ACOXL: variants seen among roughly 807,000 people sequenced by gnomAD.
ACOXL encodes acyl-coenzyme A oxidase-like protein.
ACOXL carries 70 observed loss-of-function variants against 71.9 expected under a neutral mutation model. The ratio of observed to expected loss-of-function variants is 0.97; its 90% CI spans 0.80 to 1.19. ACOXL has a LOEUF of 1.19. Ranked by LOEUF, ACOXL falls within the 50% of genes most tolerant of loss-of-function variation. The pLI is 0.00. For missense variants in ACOXL, 703 were observed against 736.3 expected (o/e 0.95, Z 0.52); for synonymous variants, 253 against 281.6 (o/e 0.90, Z 1.02).
chr2:110,744,728 G>C (rs1282656367), intron 1 of ACOXL, among the ~76,000 whole-genome samples: 1 of 152,206 alleles, frequency 6.6e-6, no homozygotes, highest in Non-Finnish European at 1.5e-5. Flanking sequence ...CCTGACTGTA[G>C]TCAATGAAAT....
At chr2:110,790,437 C>G (rs1438540825) in intron 3 of ACOXL, among the ~76,000 whole-genome samples, 3 of 152,186 alleles carry the variant, frequency 2.0e-5, no homozygotes, top group African/African-American at 7.2e-5. Flanking sequence ...TGCCGACCCT[C>G]ATTGGGCATG....
intron 10 of ACOXL, among the ~76,000 whole-genome samples, chr2:110,891,706 A>G (rs1697947215): frequency 6.6e-6 from 1 of 152,134 alleles, no homozygotes; most frequent in East Asian, 1.9e-4. Flanking sequence ...AATTAAATGG[A>G]AAGTGCTTTG....
intron 12 of ACOXL, among the ~76,000 whole-genome samples, chr2:110,940,672 T>G (rs1466132180): frequency 1.3e-5 from 2 of 152,196 alleles, no homozygotes; most frequent in Admixed American, 1.3e-4. Flanking sequence ...AACCTTTGGA[T>G]TCCAGGATTC....
chr2:110,927,815 A>G (rs1324594737), intron 11 of ACOXL, among the ~76,000 whole-genome samples: 1 of 152,168 alleles, frequency 6.6e-6, no homozygotes, highest in East Asian at 1.9e-4. Flanking sequence ...TGGCTGTGGG[A>G]TTGCTTGGAG....
intron 12 of ACOXL, among the ~76,000 whole-genome samples, chr2:110,936,914 C>G (rs1485427940): frequency 6.6e-6 from 1 of 150,748 alleles, no homozygotes; most frequent in African/African-American, 2.4e-5. Flanking sequence ...ATGGTGCAAT[C>G]TTGGCTCACC....
At chr2:111,038,723 A>C (rs972471245) in intron 15 of ACOXL, among the ~76,000 whole-genome samples, 1 of 152,242 alleles carries the variant, frequency 6.6e-6, no homozygotes, top group Non-Finnish European at 1.5e-5. Context: ...TCTAGATATA[A>C]TTTTGTATTT....
At chr2:110,734,659 C>A (rs904583544) in intron 1 of ACOXL, among the ~76,000 whole-genome samples, 2 of 152,098 alleles carry the variant, frequency 1.3e-5, no homozygotes, top group Non-Finnish European at 2.9e-5. Context: ...CTATATTCCT[C>A]AGTCTTTTCA....
Position 111,117,867 on chromosome 2 carries a change from C to A in ACOXL, c.*51C>A. 6.6e-7 allele frequency: 1 copy of A among 1,519,924 alleles called. No individual in the cohort carries two copies. Among genetic ancestry groups the A allele is most frequent in the South Asian group, 1.2e-5 (1 of 82,110 alleles). 94.2% of individuals were successfully genotyped at this position (1,519,924 alleles called of 1,614,324 possible). On this transcript the variant is annotated 3_prime_UTR_variant, in exon 18 of 18. Transcript: ENST00000439055. The stretch of plus-strand genomic sequence containing the variant: ...CCGCCAGCAGCTGCCACGACGCTCG[C>A]TCCACCGACGCCCAGAGCTGTGGCC...
At chr2:111,065,696 G>A (rs2067035481) in intron 16 of ACOXL, among the ~76,000 whole-genome samples, 1 of 152,122 alleles carries the variant, frequency 6.6e-6, no homozygotes, top group Admixed American at 6.5e-5. Context: ...TTAGGAAAAG[G>A]GCAAAAGATA....
At chr2:111,089,674 A>G (rs2068418507) in intron 16 of ACOXL, among the ~76,000 whole-genome samples, 1 of 152,238 alleles carries the variant, frequency 6.6e-6, no homozygotes, top group Admixed American at 6.5e-5. Flanking sequence ...ATGGGGGGAA[A>G]GGCTTAGTTA....
At chr2:110,824,695 C>A (rs1030265910) in intron 9 of ACOXL, among the ~76,000 whole-genome samples, 1 of 152,102 alleles carries the variant, frequency 6.6e-6, no homozygotes, top group Non-Finnish European at 1.5e-5. Context: ...CATTTCTCTG[C>A]TAAGATTCCC....
At chr2:110,837,958 C>T (rs933649657) in intron 9 of ACOXL, among the ~76,000 whole-genome samples, 1 of 152,178 alleles carries the variant, frequency 6.6e-6, no homozygotes, top group Admixed American at 6.5e-5. Flanking sequence ...ACCCACGGGC[C>T]TCCCTCCCCT....
chr2:110,915,336 T>TATA (rs1558721442), intron 11 of ACOXL, among the ~76,000 whole-genome samples: 4 of 130,822 alleles, frequency 3.1e-5, no homozygotes, highest in South Asian at 5.3e-4. Context: ...TATATGCATT[T>TATA]TATATATATA....
chr2:110,809,359 G>A (rs2105397712), intron 9 of ACOXL, among the ~76,000 whole-genome samples: 1 of 152,364 alleles, frequency 6.6e-6, no homozygotes, highest in South Asian at 2.1e-4. Context: ...CAGCAGCTGA[G>A]CTGCGGGGCT....
chr2:111,074,734 A>G (rs970703394), intron 16 of ACOXL, among the ~76,000 whole-genome samples: 2 of 152,156 alleles, frequency 1.3e-5, no homozygotes, highest in Admixed American at 6.5e-5. Flanking sequence ...ACCTGGGACT[A>G]TGGGTGTGTG....
At chr2:110,967,755 T>G in intron 12 of ACOXL, 1 of 572,122 alleles carries the variant, frequency 1.7e-6, no homozygotes, top group East Asian at 2.8e-5. Context: ...TCAGAAAGGA[T>G]ATGAAAGAAC....
chr2:111,079,590 G>A (rs919655460), intron 16 of ACOXL, among the ~76,000 whole-genome samples: 1 of 152,148 alleles, frequency 6.6e-6, no homozygotes, highest in Non-Finnish European at 1.5e-5. Context: ...TGCTTCCAGG[G>A]ACATGAGCAG....
At position 110,987,214 on chromosome 2, in the gene ACOXL, C is replaced by A; in HGVS notation, c.1166C>A (p.Thr389Asn). The change falls in exon 13 of 18, where the codon ACC (threonine) becomes AAC (asparagine). Residue 389 changes from threonine (T) to asparagine (N), a missense_variant. By Grantham distance (65) the Thr-to-Asn change is moderately conservative. Coordinates refer to ENST00000439055, the MANE Select transcript of ACOXL (RefSeq NM_001142807.4). ...GAATCTGTGGGGGACAAGCTGAGAA[C>A]CAGGTACGTATTACTCAGGCCATCA... ...WAESVGDKLR[T>N]SFLAFNMDTV... The A allele has an allele frequency of 1.3e-6, 2 of 1,568,548 alleles. No individual in the cohort carries two copies. Among genetic ancestry groups the A allele is most frequent in the Middle Eastern group, 1.7e-4 (1 of 6,008 alleles).
At position 111,064,203 on chromosome 2, in the gene ACOXL, A is replaced by G. The variant is rs189272639; in HGVS notation, c.1440+14915A>G. Among the ~76,000 whole-genome samples the G allele has an allele frequency of 5.2e-3, 787 of 152,244 alleles. 10 individuals carry two copies. Among genetic ancestry groups the G allele is most frequent in the African/African-American group, 0.017 (727 of 41,544 alleles). ...TGTAATCCCAGCACTTTGGGAGGCC[A>G]AGGTGGGTGGATCACGAGGTCAGGA... On this transcript the variant is annotated intron_variant, in intron 16 of 17. Coordinates refer to ENST00000439055, the MANE Select transcript of ACOXL (RefSeq NM_001142807.4).
Sources: gnomAD v4.1 joint callset for allele counts (sites outside exome capture counted in the v4.1 genomes callset) on GRCh38, gnomAD v4.1.1 for gene constraint, MANE v1.5 for transcripts, NCBI Gene and HGNC (gene_info 2026-07-23, HGNC 2026-07-21) for gene names.